Variants in FOLH1 observed in about 807,000 individuals in gnomAD.
The protein encoded by FOLH1 is glutamate carboxypeptidase 2.
In FOLH1, 54 loss-of-function variants were observed where a neutral mutation model predicts 93.9. The ratio of observed to expected loss-of-function variants is 0.57; its 90% confidence interval spans 0.46 to 0.72. The LOEUF is 0.72. FOLH1 is among the 30% of genes least tolerant of loss of function. FOLH1 has a pLI of 0.00. For missense variants in FOLH1, 571 were observed against 892.5 expected (o/e 0.64, Z 4.59); for synonymous variants, 249 against 303.6 (o/e 0.82, Z 1.87).
chr11:49,162,660 A>G (rs1857840088), intron 13 of FOLH1: 1 of 152,224 alleles, frequency 6.6e-6, no homozygotes, highest in Admixed American at 6.5e-5. Flanking sequence ...CATTTGGAGG[A>G]AAGAGGGCAC....
intron 2 of FOLH1, among the ~76,000 whole-genome samples, chr11:49,201,019 A>G (rs2135317112): frequency 6.6e-6 from 1 of 152,172 alleles, no homozygotes; most frequent in Non-Finnish European, 1.5e-5. Flanking sequence ...ATCAATGACA[A>G]TAATTAGTCT....
At chr11:49,163,561 G>A (rs1191053622) in intron 13 of FOLH1, among the ~76,000 whole-genome samples, 2 of 150,260 alleles carry the variant, frequency 1.3e-5, no homozygotes, top group African/African-American at 4.9e-5. Context: ...ACCAGTGGCT[G>A]GCTGGAAATC....
Position 49,186,672 on chromosome 11 carries a change from C to G in FOLH1, c.611G>C (p.Arg204Thr). 1 of 1,613,252 alleles carries G rather than the reference C, an allele frequency of 6.2e-7. No individual in the cohort carries two copies. The highest frequency in any genetic ancestry group is 8.5e-7 in the Non-Finnish European group (1 of 1,179,576). Residue 204 changes from arginine to threonine, a missense_variant, in exon 5 of 19, where the codon AGA becomes ACA. Coordinates refer to ENST00000256999, the MANE Select transcript of FOLH1 (RefSeq NM_004476.3). ...ATTTCCTCTGAAAACTTTCCCATAT[C>G]TGGCAATTACAATTTTCCCAGAGCA... ...INCSGKIVIA[R>T]YGKVFRGNKV...
At chr11:49,205,718 C>G (rs1269429454) in intron 2 of FOLH1, among the ~76,000 whole-genome samples, 1 of 152,126 alleles carries the variant, frequency 6.6e-6, no homozygotes, top group African/African-American at 2.4e-5. Context: ...TATATGAAAT[C>G]CAAATTTCAG....
chr11:49,190,453 T>G (rs1391950136), intron 4 of FOLH1, among the ~76,000 whole-genome samples: 1 of 152,234 alleles, frequency 6.6e-6, no homozygotes. Flanking sequence ...AATCTTGCAC[T>G]CTTAGCCCGG....
intron 1 of FOLH1, chr11:49,208,031 C>T: frequency 1.6e-6 from 1 of 644,692 alleles, no homozygotes; most frequent in Non-Finnish European, 2.8e-6. Flanking sequence ...AACCTTCCTA[C>T]GCCCAGTTTC....
At chr11:49,160,572 A>G (rs2134968977) in intron 13 of FOLH1, among the ~76,000 whole-genome samples, 1 of 152,046 alleles carries the variant, frequency 6.6e-6, no homozygotes, top group East Asian at 1.9e-4. Flanking sequence ...CCTCCCGAAT[A>G]GCTGGGACTA....
At chr11:49,201,255 GATAT>G (rs35326986) in intron 2 of FOLH1, among the ~76,000 whole-genome samples, 44 of 139,870 alleles carry the variant, frequency 3.1e-4, no homozygotes, top group Admixed American at 2.0e-3. Flanking sequence ...AGCATGAAAA[GATAT>G]ATATATATAT....
At position 49,184,667 on chromosome 11, in the gene FOLH1, A is replaced by T. The variant is rs558552509; in HGVS notation, c.826+1002T>A. Among the ~76,000 whole-genome samples, 22 of 152,356 alleles carry T rather than the reference A, an allele frequency of 1.4e-4. 1 individual carries two copies. In the South Asian group the frequency reaches 3.1e-3, roughly 22 times the overall value. On this transcript the variant is annotated intron_variant, in intron 6 of 18. Coordinates refer to ENST00000256999, the MANE Select transcript of FOLH1 (RefSeq NM_004476.3). ...AAGCCAAAAAAAATACATACTCTTT[A>T]CAGGAGTCTACAATTTAAGAGTAAA...
intron 17 of FOLH1, among the ~76,000 whole-genome samples, chr11:49,153,375 T>C (rs1856672742): frequency 6.7e-6 from 1 of 150,206 alleles, no homozygotes; most frequent in Admixed American, 6.7e-5. Context: ...ACAAAGGAGG[T>C]AGAAAGAAAT....
intron 3 of FOLH1, among the ~76,000 whole-genome samples, chr11:49,198,304 A>C (rs1414184546): frequency 6.6e-5 from 10 of 151,986 alleles, no homozygotes; most frequent in Non-Finnish European, 1.3e-4. Flanking sequence ...AAACTGTGAA[A>C]CCCCGTCTCC....
At chr11:49,186,401 C>T (rs1861387819) in intron 5 of FOLH1, among the ~76,000 whole-genome samples, 1 of 152,092 alleles carries the variant, frequency 6.6e-6, no homozygotes, top group Non-Finnish European at 1.5e-5. Context: ...ACAGCCATAA[C>T]CTGTAAGCAC....
rs562560730 is a variant in FOLH1 at position 49,178,934 on chromosome 11, T to C, written c.921-2977A>G. ...ACTGTGTTTTATTCACTAAAAAATA[T>C]AAATATATACAAGACTCAGTCTTTC... is the stretch of plus-strand genomic sequence containing the variant. On this transcript the variant is annotated intron_variant, in intron 7 of 18. Coordinates refer to ENST00000256999, the MANE Select transcript of FOLH1 (RefSeq NM_004476.3). 2.6e-5 allele frequency among the ~76,000 whole-genome samples: 4 copies of C among 152,266 alleles called. No homozygotes were observed. The South Asian group carries it at 8.3e-4, about 32-fold the overall frequency.
chr11:49,169,117 T>C, intron 12 of FOLH1, 78 bp downstream of exon 12: 6 of 1,502,554 alleles, frequency 4.0e-6, no homozygotes, highest in Non-Finnish European at 5.5e-6. Flanking sequence ...TAGCCTTCCT[T>C]GTTAGTGCAT....
At chr11:49,153,977 T>C (rs747198634) in intron 16 of FOLH1, 50 bp from the exon 17 acceptor site, 6 of 1,463,762 alleles carry the variant, frequency 4.1e-6, no homozygotes, top group Non-Finnish European at 5.6e-6. Context: ...TAATTTCTAA[T>C]GGCACTGCTC....
At chr11:49,203,525 C>A (rs1459287834) in intron 2 of FOLH1, among the ~76,000 whole-genome samples, 2 of 152,298 alleles carry the variant, frequency 1.3e-5, no homozygotes, top group East Asian at 3.9e-4. Flanking sequence ...CTCTGATGGA[C>A]AAATGGCAAA....
intron 7 of FOLH1, 40 bp from the exon 8 acceptor site, chr11:49,175,997 C>T (rs1455630851): frequency 1.3e-6 from 2 of 1,576,150 alleles, no homozygotes; most frequent in South Asian, 1.1e-5. Flanking sequence ...ACAAAAAAAC[C>T]TTGAAGTAAC....
At chr11:49,166,900 A>G (rs1394951025) in intron 12 of FOLH1, among the ~76,000 whole-genome samples, 3 of 152,118 alleles carry the variant, frequency 2.0e-5, no homozygotes, top group Non-Finnish European at 4.4e-5. Context: ...TTAAAAAACT[A>G]TGGCCAAGTA....
At chr11:49,194,153 A>AAAAAAC (rs1862380372) in intron 3 of FOLH1, among the ~76,000 whole-genome samples, 2 of 151,696 alleles carry the variant, frequency 1.3e-5, no homozygotes, top group Admixed American at 6.6e-5. Flanking sequence ...AAAAAAAAAA[A>AAAAAAC]AAGAACAACA....
Sources: gnomAD v4.1 joint callset for allele counts (sites outside exome capture counted in the v4.1 genomes callset) on GRCh38, gnomAD v4.1.1 for gene constraint, MANE v1.5 for transcripts, NCBI Gene and HGNC (gene_info 2026-07-23, HGNC 2026-07-21) for gene names.